RMND1: variants seen among roughly 807,000 people sequenced by gnomAD.
The protein encoded by RMND1 is required for meiotic nuclear division protein 1 homolog.
In RMND1, 41 loss-of-function variants were observed where a neutral mutation model predicts 54.0. The ratio of observed to expected loss-of-function variants is 0.76; its 90% CI spans 0.59 to 0.98. RMND1 has a LOEUF of 0.98. RMND1 is among the 50% of genes least tolerant of loss of function. RMND1 has a pLI of 0.00. For synonymous variants in RMND1, 183 were observed against 181.7 expected (o/e 1.01, Z -0.06); for missense variants, 457 against 532.0 (o/e 0.86, Z 1.39).
chr6:151,451,212 A>AC (rs1452768463), intron 1 of RMND1, among the ~76,000 whole-genome samples: 4 of 151,768 alleles, frequency 2.6e-5, no homozygotes, highest in Admixed American at 2.0e-4. Flanking sequence ...AAAAAAAAAA[A>AC]AAAAAAACAC....
chr6:151,441,212 C>T (rs900942150), intron 2 of RMND1, among the ~76,000 whole-genome samples: 6 of 152,128 alleles, frequency 3.9e-5, no homozygotes, highest in Non-Finnish European at 7.4e-5. Flanking sequence ...AAAAATTATA[C>T]TTTCATTTAC....
chr6:151,438,505 G>A (rs1699266444), intron 2 of RMND1, among the ~76,000 whole-genome samples: 2 of 152,184 alleles, frequency 1.3e-5, no homozygotes, highest in African/African-American at 4.8e-5. Context: ...TGCTAGAATC[G>A]GAGTTGTAAA....
At chr6:151,450,776 A>T (rs933619188) in intron 1 of RMND1, among the ~76,000 whole-genome samples, 8 of 151,896 alleles carry the variant, frequency 5.3e-5, no homozygotes, top group Non-Finnish European at 1.2e-4. Flanking sequence ...AAAGGGGGGG[A>T]AAAGATTGAG....
intron 10 of RMND1, among the ~76,000 whole-genome samples, chr6:151,409,163 C>A (rs1779723814): frequency 6.6e-6 from 1 of 152,106 alleles, no homozygotes; most frequent in Admixed American, 6.5e-5. Flanking sequence ...AGGAATCAGA[C>A]AAGTCCAGGT....
chr6:151,445,890 C>T, intron 1 of RMND1, 65 bp from the exon 2 acceptor site: 2 of 1,369,104 alleles, frequency 1.5e-6, no homozygotes, highest in East Asian at 5.0e-5. Context: ...ATAATATTTC[C>T]CTAGGTAGCA....
Position 151,405,174 on chromosome 6 carries a change from A to C in RMND1, c.*61T>G. The C allele has an allele frequency of 1.3e-6, 2 of 1,523,792 alleles. No homozygotes were observed. Among genetic ancestry groups the C allele is most frequent in the Non-Finnish European group, 1.8e-6 (2 of 1,099,006 alleles). The allele number at this position is 1,523,792 out of a possible 1,614,324, so 94.4% of individuals were successfully genotyped here. A position where few individuals can be genotyped will look rare whatever the true frequency, so the allele number is the denominator to read the frequency against. ...CATGAGGCACCGCGCCGGGCCGAACATTTAATTTTTGATTGTAGAACTTGA... is the reference window on the plus strand; with the variant it reads ...CATGAGGCACCGCGCCGGGCCGAACCTTTAATTTTTGATTGTAGAACTTGA... On this transcript the variant is annotated 3_prime_UTR_variant, in exon 12 of 12. Transcript: ENST00000444024.
At chr6:151,432,192 C>A (rs1260191911) in intron 4 of RMND1, among the ~76,000 whole-genome samples, 4 of 152,170 alleles carry the variant, frequency 2.6e-5, no homozygotes, top group Non-Finnish European at 5.9e-5. Context: ...CTGCCTCAGC[C>A]TCCCAAAGTG....
intron 10 of RMND1, among the ~76,000 whole-genome samples, chr6:151,414,104 C>G (rs561961461): frequency 6.6e-6 from 1 of 152,150 alleles, no homozygotes; most frequent in African/African-American, 2.4e-5. Context: ...GGGTCTCACT[C>G]TGTCACCTAG....
chr6:151,450,830 G>C, intron 1 of RMND1, among the ~76,000 whole-genome samples: 1 of 152,156 alleles, frequency 6.6e-6, no homozygotes, highest in African/African-American at 2.4e-5. Context: ...AGTAGACATG[G>C]GAGACTTTTC....
At chr6:151,418,849 C>T (rs566422240) in intron 9 of RMND1, among the ~76,000 whole-genome samples, 21 of 150,890 alleles carry the variant, frequency 1.4e-4, no homozygotes, top group Non-Finnish European at 2.7e-4. Context: ...TGGCTCACCA[C>T]AACCTCCACC....
At chr6:151,419,767 T>A (rs570417747) in intron 9 of RMND1, among the ~76,000 whole-genome samples, 1 of 150,308 alleles carries the variant, frequency 6.7e-6, no homozygotes, top group South Asian at 2.1e-4. Context: ...AATGGTAGGC[T>A]CTCTTATGCT....
rs1780339826 is a variant in RMND1 at position 151,427,582 on chromosome 6, T to C, written c.730A>G (p.Met244Val). The C allele has an allele frequency of 1.9e-6, 3 of 1,591,972 alleles. No homozygotes were observed. The highest frequency in any genetic ancestry group is 8.6e-7 in the Non-Finnish European group (1 of 1,160,578). ...TCTAGAACTTTCATCACATGCTTCATCTAGAAGAAAAGGAAGATTAATCTG... is the reference window on the plus strand; with the variant it reads ...TCTAGAACTTTCATCACATGCTTCACCTAGAAGAAAAGGAAGATTAATCTG... ...AVFWNVKDKT[M>V]KHVMKVLEKH... The change falls in exon 6 of 12, where the codon ATG becomes GTG. Residue 244 changes from methionine (M) to valine (V), a missense_variant and splice_region_variant. Coordinates refer to ENST00000444024, the MANE Select transcript of RMND1 (RefSeq NM_017909.4).
chr6:151,445,281 CGA>C, intron 2 of RMND1, 25 bp downstream of exon 2: 1 of 1,579,428 alleles, frequency 6.3e-7, no homozygotes, highest in Non-Finnish European at 8.6e-7. Flanking sequence ...TCACTAAGCA[CGA>C]GAGCCACGGC....
At chr6:151,409,371 G>C (rs533268183) in intron 10 of RMND1, among the ~76,000 whole-genome samples, 2 of 152,278 alleles carry the variant, frequency 1.3e-5, no homozygotes, top group East Asian at 1.9e-4. Flanking sequence ...AGGAGAAAAA[G>C]GACACCCAGA....
At position 151,421,329 on chromosome 6, in the gene RMND1, A is replaced by AC. The variant is rs1402150637; in HGVS notation, c.1003-9_1003-8insG. On this transcript the variant is annotated splice_polypyrimidine_tract_variant and intron_variant, in intron 8 of 11. Transcript: ENST00000444024. The stretch of plus-strand genomic sequence containing the variant: ...CTTCCCAGCTTTTAAAGCCTAGTTG[A>AC]GAGGGAATCGGAAAAACCAAAAAAC... 1 of 1,603,866 alleles carries AC rather than the reference A, an allele frequency of 6.2e-7. No individual in the cohort carries two copies. Among genetic ancestry groups the AC allele is most frequent in the South Asian group, 1.1e-5 (1 of 88,738 alleles).
chr6:151,421,220 TTTTA>T, intron 9 of RMND1, 21 bp downstream of exon 9: 1 of 1,495,082 alleles, frequency 6.7e-7, no homozygotes, highest in Non-Finnish European at 9.2e-7. Context: ...ATATGAAATA[TTTTA>T]TTTAGAGAGA....
At chr6:151,435,390 C>T (rs1461921668) in intron 3 of RMND1, among the ~76,000 whole-genome samples, 5 of 152,094 alleles carry the variant, frequency 3.3e-5, no homozygotes, top group African/African-American at 7.2e-5. Context: ...AAATGATCCA[C>T]CCACCTCAGC....
intron 3 of RMND1, 144 bp from the exon 4 acceptor site, chr6:151,433,374 C>T (rs1562794931): frequency 4.1e-6 from 2 of 484,136 alleles, no homozygotes; most frequent in East Asian, 6.5e-5. Context: ...CATCTTTCTA[C>T]TAAGGCCTCT....
intron 8 of RMND1, among the ~76,000 whole-genome samples, chr6:151,421,646 C>A (rs1223086901): frequency 2.6e-5 from 4 of 152,048 alleles, no homozygotes; most frequent in Non-Finnish European, 2.9e-5. Flanking sequence ...CAGTTAATTA[C>A]AATATGATGA....
Sources: gnomAD v4.1 joint callset for allele counts (sites outside exome capture counted in the v4.1 genomes callset) on GRCh38, gnomAD v4.1.1 for gene constraint, MANE v1.5 for transcripts, NCBI Gene and HGNC (gene_info 2026-07-23, HGNC 2026-07-21) for gene names.